Variants in GRM5 observed in about 807,000 individuals in gnomAD.
GRM5 encodes the protein metabotropic glutamate receptor 5.
In GRM5, 19 loss-of-function variants were observed where a neutral mutation model predicts 83.1. The observed-to-expected ratio is 0.23, with a 90% CI of 0.16 to 0.34. The LOEUF is 0.34. Ranked by LOEUF, GRM5 falls within the 10% of genes least tolerant of loss-of-function variation. The pLI is 1.00. For missense variants in GRM5, 1,160 were observed against 1,588.3 expected (o/e 0.73, Z 4.58); for synonymous variants, 675 against 633.6 (o/e 1.07, Z -0.98).
intron 2 of GRM5, among the ~76,000 whole-genome samples, chr11:89,003,894 C>G (rs373249058): frequency 6.8e-4 from 103 of 152,184 alleles, no homozygotes; most frequent in African/African-American, 2.1e-3. Flanking sequence ...TGGAGTTGCT[C>G]CAGTCAAGTA....
At chr11:88,553,173 C>T (rs1299878390) in intron 8 of GRM5, among the ~76,000 whole-genome samples, 1 of 152,112 alleles carries the variant, frequency 6.6e-6, no homozygotes, top group Non-Finnish European at 1.5e-5. Context: ...ATCAATTTTT[C>T]TTGTGTTTTT....
chr11:88,934,637 ATTAAC>A (rs1937832170), intron 2 of GRM5, among the ~76,000 whole-genome samples: 1 of 151,956 alleles, frequency 6.6e-6, no homozygotes, highest in African/African-American at 2.4e-5. Context: ...CCTCAATCAC[ATTAAC>A]TTAATGATTT....
chr11:88,857,570 C>CTTAT (rs1944497612), intron 2 of GRM5, among the ~76,000 whole-genome samples: 1 of 151,980 alleles, frequency 6.6e-6, no homozygotes, highest in Non-Finnish European at 1.5e-5. Flanking sequence ...AGCACCTCTT[C>CTTAT]TTATTTTATT....
intron 7 of GRM5, among the ~76,000 whole-genome samples, chr11:88,574,011 T>C (rs1423296826): frequency 1.3e-5 from 2 of 152,216 alleles, no homozygotes; most frequent in Non-Finnish European, 2.9e-5. Context: ...CTGTGAGACA[T>C]TGAGGAAACT....
chr11:88,847,575 C>T (rs1029664756), intron 3 of GRM5, among the ~76,000 whole-genome samples: 4 of 151,966 alleles, frequency 2.6e-5, no homozygotes, highest in African/African-American at 9.7e-5. Context: ...TTTGAAAGAG[C>T]ATCACGTTAC....
chr11:89,042,041 G>T (rs1435995896), intron 2 of GRM5, among the ~76,000 whole-genome samples: 2 of 151,984 alleles, frequency 1.3e-5, no homozygotes, highest in East Asian at 1.9e-4. Context: ...ATTTCTCAAG[G>T]CTAATTTTTA....
chr11:88,674,616 T>C (rs1940276719), intron 3 of GRM5, among the ~76,000 whole-genome samples: 1 of 151,852 alleles, frequency 6.6e-6, no homozygotes, highest in Non-Finnish European at 1.5e-5. Flanking sequence ...CAAACAAGGA[T>C]TATAGGTTTG....
At chr11:88,597,988 T>C (rs1937868059) in intron 5 of GRM5, among the ~76,000 whole-genome samples, 1 of 152,128 alleles carries the variant, frequency 6.6e-6, no homozygotes, top group African/African-American at 2.4e-5. Flanking sequence ...AGTATGTGGA[T>C]AGAAATGTAA....
Position 89,047,133 on chromosome 11 carries a change from A to G in GRM5, c.661+79T>C. 1 of 1,071,282 alleles carries G rather than the reference A, an allele frequency of 9.3e-7. No homozygotes were observed. Among genetic ancestry groups the G allele is most frequent in the South Asian group, 1.5e-5 (1 of 65,746 alleles). 66.4% of individuals were successfully genotyped at this position (1,071,282 alleles called of 1,614,324 possible). On this transcript the variant is annotated intron_variant, in intron 2 of 9. Coordinates refer to ENST00000305447, the MANE Select transcript of GRM5 (RefSeq NM_001143831.3). This position sits in a 1 kb window ranked among gnomAD's most constrained non-coding sequence, Gnocchi z 5.1. Reference sequence around the variant, plus strand: ...CAAAATATCCAAAATAATTAGGAATAGTTTACTCTTCCCAAACCTGAAATT... The same window carrying G: ...CAAAATATCCAAAATAATTAGGAATGGTTTACTCTTCCCAAACCTGAAATT...
intron 3 of GRM5, among the ~76,000 whole-genome samples, chr11:88,700,267 C>G (rs922385966): frequency 3.9e-5 from 6 of 152,210 alleles, no homozygotes; most frequent in African/African-American, 9.6e-5. Context: ...CAGAGACCAT[C>G]TAGTACACAG....
chr11:89,022,725 T>C (rs1941019093), intron 2 of GRM5, among the ~76,000 whole-genome samples: 1 of 152,148 alleles, frequency 6.6e-6, no homozygotes, highest in Non-Finnish European at 1.5e-5. Flanking sequence ...CTTTCCTTAC[T>C]AGTCTGGCCT....
chr11:88,516,201 A>C (rs147721144), intron 9 of GRM5, among the ~76,000 whole-genome samples: 8 of 152,296 alleles, frequency 5.3e-5, no homozygotes, highest in African/African-American at 1.9e-4. Context: ...TGATATTGAC[A>C]GGTATTATTA....
chr11:88,752,132 G>A (rs4753182), intron 3 of GRM5, among the ~76,000 whole-genome samples: 32,853 of 152,054 alleles, frequency 0.22, 4,719 homozygotes, highest in Non-Finnish European at 0.32. Flanking sequence ...TAAATAAATG[G>A]TATTCAAATA....
At chr11:88,999,095 G>A (rs1446596765) in intron 2 of GRM5, among the ~76,000 whole-genome samples, 3 of 152,154 alleles carry the variant, frequency 2.0e-5, no homozygotes, top group Middle Eastern at 6.8e-3. Context: ...ATTCAAGACG[G>A]ATTAAAGACT....
At chr11:88,748,626 C>T (rs1210814416) in intron 3 of GRM5, among the ~76,000 whole-genome samples, 3 of 152,102 alleles carry the variant, frequency 2.0e-5, no homozygotes, top group Non-Finnish European at 4.4e-5. Flanking sequence ...TCCCTGATCC[C>T]GTTCCTCCTG....
chr11:88,510,496 G>A (rs897293086), intron 9 of GRM5, among the ~76,000 whole-genome samples: 1 of 146,944 alleles, frequency 6.8e-6, no homozygotes, highest in Non-Finnish European at 1.5e-5. Flanking sequence ...AGAGAATGTG[G>A]CCTGACACTC....
intron 2 of GRM5, among the ~76,000 whole-genome samples, chr11:88,959,556 A>C (rs1938722642): frequency 6.6e-6 from 1 of 152,192 alleles, no homozygotes; most frequent in Non-Finnish European, 1.5e-5. Flanking sequence ...ACAGGTATAA[A>C]TTGATAAAAA....
At position 88,662,692 on chromosome 11, in the gene GRM5, A is replaced by G. The variant is rs181143487; in HGVS notation, c.912-9289T>C. Reference sequence around the variant, plus strand: ...AAGATTCAAATGAGGGGGACTTGACATGAGAGAGCTAGAGGAGAATCTCCG... The same window carrying G: ...AAGATTCAAATGAGGGGGACTTGACGTGAGAGAGCTAGAGGAGAATCTCCG... On this transcript the variant is annotated intron_variant, in intron 3 of 9. Transcript: ENST00000305447. Among the ~76,000 whole-genome samples the G allele has an allele frequency of 1.7e-3, 262 of 152,282 alleles. 2 individuals carry two copies. Among genetic ancestry groups the G allele is most frequent in the African/African-American group, 6.0e-3 (248 of 41,566 alleles).
At chr11:88,673,227 G>GTGAT (rs1231705787) in intron 3 of GRM5, among the ~76,000 whole-genome samples, 1 of 151,890 alleles carries the variant, frequency 6.6e-6, no homozygotes, top group Admixed American at 6.6e-5. Context: ...AAACAAGGAA[G>GTGAT]TGATTATAGG....
Sources: allele counts gnomAD v4.1 joint callset (sites outside exome capture counted in the v4.1 genomes callset), GRCh38; gene constraint gnomAD v4.1.1; non-coding constraint Gnocchi (gnomAD v3.1); transcripts MANE v1.5; gene names NCBI Gene and HGNC (gene_info 2026-07-23, HGNC 2026-07-21).